Variants in FAM135A observed in about 807,000 individuals in gnomAD.
FAM135A encodes protein FAM135A.
A neutral mutation model predicts 146.8 loss-of-function variants in FAM135A; 79 were observed. The ratio of observed to expected loss-of-function variants is 0.54; its 90% confidence interval spans 0.45 to 0.65. The LOEUF is 0.65. Ranked by LOEUF, FAM135A falls within the 30% of genes least tolerant of loss-of-function variation. The pLI is 0.00. For missense variants in FAM135A, 1,623 were observed against 1,758.2 expected (o/e 0.92, Z 1.38); for synonymous variants, 562 against 603.6 (o/e 0.93, Z 1.01).
chr6:70,470,447 C>G (rs1781390538), intron 5 of FAM135A, among the ~76,000 whole-genome samples: 1 of 152,164 alleles, frequency 6.6e-6, no homozygotes, highest in Non-Finnish European at 1.5e-5. Flanking sequence ...ACCTCCGCCT[C>G]CCAGGTTCAA....
intron 8 of FAM135A, among the ~76,000 whole-genome samples, chr6:70,478,619 T>C (rs1029249930): frequency 6.6e-6 from 1 of 152,168 alleles, no homozygotes; most frequent in Non-Finnish European, 1.5e-5. Context: ...TTTCATTCTG[T>C]TGCTCTCTCA....
At chr6:70,531,365 A>G (rs1795773027) in intron 16 of FAM135A, among the ~76,000 whole-genome samples, 1 of 152,206 alleles carries the variant, frequency 6.6e-6, no homozygotes, top group Non-Finnish European at 1.5e-5. Context: ...TGATACTGGT[A>G]AAGCCATGTT....
chr6:70,550,224 C>G (rs1225989932), intron 20 of FAM135A, among the ~76,000 whole-genome samples: 1 of 152,212 alleles, frequency 6.6e-6, no homozygotes, highest in Non-Finnish European at 1.5e-5. Flanking sequence ...ATTTGACCTC[C>G]TCCCATGAAT....
intron 1 of FAM135A, among the ~76,000 whole-genome samples, chr6:70,414,479 A>G (rs1027651327): frequency 1.3e-5 from 2 of 151,234 alleles, no homozygotes; most frequent in South Asian, 4.2e-4. Context: ...GTGAGTCTCT[A>G]ATCTTAATTT....
chr6:70,518,433 A>G (rs1334279245), intron 12 of FAM135A, among the ~76,000 whole-genome samples: 1 of 152,236 alleles, frequency 6.6e-6, no homozygotes, highest in Non-Finnish European at 1.5e-5. Flanking sequence ...GCTACAGCAC[A>G]TTATCCAGAA....
rs73746036 is a variant in FAM135A, at chr6:70,445,319, C to T, written c.78-7173C>T. On this transcript the variant is annotated intron_variant, in intron 4 of 21. Transcript: ENST00000418814. ...TTTACTGTCAAGCCCTTTAAGAAAG[C>T]TGTTGACCATTGGTATGGAATATTT... Among the ~76,000 whole-genome samples, 228 of 152,050 alleles carry T rather than the reference C, an allele frequency of 1.5e-3. 1 individual carries two copies. Among genetic ancestry groups the T allele is most frequent in the African/African-American group, 5.3e-3 (220 of 41,378 alleles).
chr6:70,526,916 T>C (rs1053829632), intron 15 of FAM135A, among the ~76,000 whole-genome samples: 3 of 151,956 alleles, frequency 2.0e-5, no homozygotes, highest in Non-Finnish European at 4.4e-5. Flanking sequence ...GAAATGAACA[T>C]AATATACCCT....
intron 5 of FAM135A, among the ~76,000 whole-genome samples, chr6:70,467,144 C>T (rs560090621): frequency 3.3e-5 from 5 of 152,244 alleles, no homozygotes; most frequent in African/African-American, 1.2e-4. Context: ...ATCTAAAAGT[C>T]TTTTCATTCT....
intron 20 of FAM135A, among the ~76,000 whole-genome samples, chr6:70,544,187 G>C (rs1354160274): frequency 6.6e-6 from 1 of 152,182 alleles, no homozygotes; most frequent in Non-Finnish European, 1.5e-5. Flanking sequence ...GCTCACACCT[G>C]TAATCTCTCC....
intron 12 of FAM135A, among the ~76,000 whole-genome samples, chr6:70,518,338 T>C (rs1444389085): frequency 6.6e-6 from 1 of 152,110 alleles, no homozygotes; most frequent in African/African-American, 2.4e-5. Flanking sequence ...AATTTGAAAC[T>C]AGCAGAGATT....
chr6:70,497,501 C>T (rs1787553020), intron 11 of FAM135A, among the ~76,000 whole-genome samples: 1 of 152,108 alleles, frequency 6.6e-6, no homozygotes, highest in African/African-American at 2.4e-5. Flanking sequence ...TTTCTCTTGC[C>T]AGATTGCCCT....
At chr6:70,413,741 C>G (rs1180834669) in intron 1 of FAM135A, 39 bp downstream of exon 1, 6 of 934,770 alleles carry the variant, frequency 6.4e-6, no homozygotes, top group Non-Finnish European at 6.4e-6. Flanking sequence ...CCCCGGCTCC[C>G]GACACCCACG....
chr6:70,524,440 TTC>T lies in FAM135A; in HGVS notation c.1358_1359del (p.Ser453Ter). ...CTGAAGAAAGCTCTGTAGCAGGACT[TTC>T]TAGCCCAGAGTTGAAAGTCAGACCT... Reference protein sequence around the residue: ...ETEESSVAGLSSPELKVRPAG... With the variant: ...ETEESSVAGLXSPELKVRPAG... On this transcript the variant is annotated frameshift_variant, in exon 15 of 22. Coordinates refer to ENST00000418814, the MANE Select transcript of FAM135A (RefSeq NM_001162529.3). LOFTEE classifies it high-confidence loss of function. 6.5e-7 allele frequency: 1 copy of T among 1,548,676 alleles called. No homozygotes were observed. Among genetic ancestry groups the T allele is most frequent in the East Asian group, 2.4e-5 (1 of 40,902 alleles).
rs543729636 is a variant in FAM135A, at chr6:70,494,389, GGA to G, written c.873+3309_873+3310del. Among the ~76,000 whole-genome samples the G allele has an allele frequency of 1.6e-3, 236 of 152,068 alleles. 2 individuals are homozygous for G. Among genetic ancestry groups the G allele is most frequent in the Non-Finnish European group, 2.3e-3 (158 of 67,980 alleles). ...ACACAATTGTAGTCCCAGCTACTCA[GGA>G]GACTGAGGTGGGAGTACTGCCTGAG... On this transcript the variant is annotated intron_variant, in intron 11 of 21. Coordinates refer to ENST00000418814, the MANE Select transcript of FAM135A (RefSeq NM_001162529.3).
intron 12 of FAM135A, among the ~76,000 whole-genome samples, chr6:70,515,765 A>G (rs1160776780): frequency 6.6e-6 from 1 of 152,132 alleles, no homozygotes; most frequent in Non-Finnish European, 1.5e-5. Context: ...TTTAATATTG[A>G]TATATTAATA....
intron 10 of FAM135A, among the ~76,000 whole-genome samples, chr6:70,489,529 A>T (rs1461405550): frequency 6.6e-6 from 1 of 152,182 alleles, no homozygotes; most frequent in East Asian, 1.9e-4. Context: ...GAATTCAGCC[A>T]AGAGACACGC....
intron 5 of FAM135A, among the ~76,000 whole-genome samples, chr6:70,470,600 G>A (rs1481981645): frequency 6.6e-6 from 1 of 152,118 alleles, no homozygotes; most frequent in Non-Finnish European, 1.5e-5. Context: ...CAAGTGATCT[G>A]CCCGCCTCAG....
At chr6:70,542,195 A>T (rs1241893199) in intron 20 of FAM135A, among the ~76,000 whole-genome samples, 1 of 151,770 alleles carries the variant, frequency 6.6e-6, no homozygotes, top group East Asian at 1.9e-4. Flanking sequence ...CATGGATAAG[A>T]GCATCAAGTC....
chr6:70,526,133 A>G lies in FAM135A; in HGVS notation c.3049A>G (p.Ser1017Gly), dbSNP rs527888158. 1.1e-5 allele frequency: 18 copies of G among 1,613,652 alleles called. No individual in the cohort carries two copies. The East Asian group carries it at 3.6e-4, about 32-fold the overall frequency. Reference sequence around the variant, plus strand: ...GTATTCAGAAATCCCTACAGTTGAAAGTGAAACTCATCTGGGTACAAGTGA... The same window carrying G: ...GTATTCAGAAATCCCTACAGTTGAAGGTGAAACTCATCTGGGTACAAGTGA... ...QMYSEIPTVE[S>G]ETHLGTSDPF... Residue 1017 changes from serine to glycine, a missense_variant, in exon 15 of 22, where the codon AGT (serine) becomes GGT (glycine). Physicochemically the swap from Ser to Gly is moderately conservative, Grantham distance 56. Around this residue, in one of 7 missense-constraint regions of FAM135A, gnomAD observed 1,061 missense variants for 1,113.8 expected, o/e 0.95. Coordinates refer to ENST00000418814, the MANE Select transcript of FAM135A (RefSeq NM_001162529.3).
Sources: gnomAD v4.1 joint callset for allele counts (sites outside exome capture counted in the v4.1 genomes callset) on GRCh38, gnomAD v4.1.1 for gene constraint, gnomAD v4.1.1 regional missense constraint, MANE v1.5 for transcripts, NCBI Gene and HGNC (gene_info 2026-07-23, HGNC 2026-07-21) for gene names.